The following RBMS1 variants were observed in gnomAD, a reference collection of about 807,000 sequenced individuals.
RBMS1 encodes the protein RNA-binding motif, single-stranded-interacting protein 1.
RBMS1 carries 17 observed loss-of-function variants against 62.3 expected under a neutral mutation model. The observed-to-expected ratio is 0.27, with a 90% CI of 0.19 to 0.41. The LOEUF (loss-of-function observed/expected upper bound fraction) is 0.41, where lower values mean the gene tolerates loss of function less well. Among genes scored for constraint, RBMS1 ranks in the 10% least tolerant of loss-of-function variants. The pLI is 1.00. For missense variants in RBMS1, 334 were observed against 504.5 expected, an observed-to-expected ratio of 0.66 and a Z score of 3.24; for synonymous variants, 172 against 170.0, an observed-to-expected ratio of 1.01 and a Z score of -0.09.
chr2:160,474,138 C>T (rs1489483268), intron 1 of RBMS1, among the ~76,000 whole-genome samples: 1 of 151,882 alleles, frequency 6.6e-6, no homozygotes, highest in Admixed American at 6.6e-5. Context: ...TATTATTATT[C>T]AAATTTGAAA....
At chr2:160,483,720 A>T (rs1430390642) in intron 1 of RBMS1, among the ~76,000 whole-genome samples, 1 of 152,200 alleles carries the variant, frequency 6.6e-6, no homozygotes, top group Non-Finnish European at 1.5e-5. Flanking sequence ...GTCAGTCCAG[A>T]GTGGCTTAAC....
chr2:160,310,886 A>C (rs1689816335), intron 4 of RBMS1, among the ~76,000 whole-genome samples: 1 of 152,100 alleles, frequency 6.6e-6, no homozygotes, highest in South Asian at 2.1e-4. Context: ...TGGACAAATA[A>C]TCTGAAAATC....
At chr2:160,299,447 C>T (rs1301461254) in intron 6 of RBMS1, among the ~76,000 whole-genome samples, 3 of 152,076 alleles carry the variant, frequency 2.0e-5, no homozygotes, top group African/African-American at 7.2e-5. Flanking sequence ...CCCCCCATTT[C>T]GTCACCAATT....
chr2:160,352,082 C>T (rs960558511), intron 2 of RBMS1, among the ~76,000 whole-genome samples: 1 of 152,108 alleles, frequency 6.6e-6, no homozygotes, highest in Admixed American at 6.6e-5. Context: ...GCAAAGCTGA[C>T]TCATAACTTC....
At chr2:160,356,771 T>C (rs1190796500) in intron 2 of RBMS1, among the ~76,000 whole-genome samples, 1 of 152,158 alleles carries the variant, frequency 6.6e-6, no homozygotes, top group African/African-American at 2.4e-5. Flanking sequence ...TGTGGTATTC[T>C]ATTATAGCAG....
chr2:160,365,455 A>G (rs1693345432), intron 2 of RBMS1, among the ~76,000 whole-genome samples: 1 of 152,224 alleles, frequency 6.6e-6, no homozygotes, highest in African/African-American at 2.4e-5. Context: ...AGAGAACAAC[A>G]AAAAAGAAAT....
chr2:160,309,567 G>A lies in RBMS1; in HGVS notation c.402+3589C>T, dbSNP rs1020112138. Among the ~76,000 whole-genome samples the A allele has an allele frequency of 2.0e-5, 3 of 152,192 alleles. No individual in the cohort carries two copies. In the South Asian group the frequency reaches 6.2e-4, roughly 32 times the overall value. ...TGAAGATAGACCATTAGATTATCAGGAGCTGACCATGTCAACCTGAGGACA... is the reference window on the plus strand; with the variant it reads ...TGAAGATAGACCATTAGATTATCAGAAGCTGACCATGTCAACCTGAGGACA... On this transcript the variant is annotated intron_variant, in intron 4 of 13. Transcript: ENST00000348849.
At chr2:160,413,647 T>C (rs114538067) in intron 1 of RBMS1, among the ~76,000 whole-genome samples, 3 of 152,234 alleles carry the variant, frequency 2.0e-5, no homozygotes, top group African/African-American at 7.2e-5. Context: ...AGCCATAGTC[T>C]GATTATTCTG....
intron 6 of RBMS1, among the ~76,000 whole-genome samples, chr2:160,289,873 G>GC (rs1287604179): frequency 6.6e-6 from 1 of 151,328 alleles, no homozygotes; most frequent in East Asian, 2.0e-4. Context: ...TTGTCCATGT[G>GC]CCCTAGGAAA....
At chr2:160,381,830 C>T (rs753219237) in intron 1 of RBMS1, among the ~76,000 whole-genome samples, 2 of 152,214 alleles carry the variant, frequency 1.3e-5, no homozygotes, top group Admixed American at 6.5e-5. Flanking sequence ...CTGAGTGACA[C>T]GGCCTTCCTT....
chr2:160,466,257 A>G lies in RBMS1; in HGVS notation c.75+27032T>C, dbSNP rs562065157. On this transcript the variant is annotated intron_variant, in intron 1 of 13. Transcript: ENST00000348849. ...TGCCTATAAAAACCAAAGCTCCTAA[A>G]ATCATTCTTTTATGGCATTAAATGT... Among the ~76,000 whole-genome samples the G allele has an allele frequency of 1.4e-4, 21 of 152,218 alleles. No individual in the cohort carries two copies. In the South Asian group the frequency reaches 4.4e-3, roughly 32 times the overall value.
chr2:160,474,592 T>C (rs993258288), intron 1 of RBMS1, among the ~76,000 whole-genome samples: 4 of 152,224 alleles, frequency 2.6e-5, no homozygotes, highest in African/African-American at 9.6e-5. Context: ...CACTGAATTG[T>C]ACACAAAAAA....
Position 160,450,564 on chromosome 2 carries a change from G to GAAAAAAAAAAAAAA in RBMS1, c.75+42711_75+42724dup, listed in dbSNP as rs1181640365. Reference sequence around the variant, plus strand: ...TCAAAAAAAATAAAAAATAAAAAATGAAAAAAAAAAAAAAACAAAAAACAT... The same window carrying GAAAAAAAAAAAAAA: ...TCAAAAAAAATAAAAAATAAAAAATGAAAAAAAAAAAAAAAAAAAAAAAAAAAAACAAAAAACAT... On this transcript the variant is annotated intron_variant, in intron 1 of 13. Transcript: ENST00000348849. Among the ~76,000 whole-genome samples the GAAAAAAAAAAAAAA allele has an allele frequency of 1.8e-4, 10 of 56,580 alleles. 1 individual carries two copies. Among genetic ancestry groups the GAAAAAAAAAAAAAA allele is most frequent in the East Asian group, 8.4e-4 (1 of 1,196 alleles). 37.1% of individuals were successfully genotyped at this position (56,580 alleles called of 152,430 possible).
chr2:160,428,057 G>A (rs185312344), intron 1 of RBMS1, among the ~76,000 whole-genome samples: 1 of 151,870 alleles, frequency 6.6e-6, no homozygotes, highest in East Asian at 1.9e-4. Context: ...ATGCAGGATG[G>A]CTACGAGATG....
chr2:160,450,525 A>G (rs1683920813), intron 1 of RBMS1, among the ~76,000 whole-genome samples: 1 of 145,416 alleles, frequency 6.9e-6, no homozygotes, highest in South Asian at 2.2e-4. Context: ...GGGCAACAAA[A>G]GTGAAATTCC....
At chr2:160,310,406 C>T (rs962757199) in intron 4 of RBMS1, among the ~76,000 whole-genome samples, 2 of 152,212 alleles carry the variant, frequency 1.3e-5, no homozygotes, top group African/African-American at 4.8e-5. Context: ...AAAACATCTA[C>T]ATATGAGTCT....
At chr2:160,290,013 T>C (rs1688598708) in intron 6 of RBMS1, among the ~76,000 whole-genome samples, 1 of 144,944 alleles carries the variant, frequency 6.9e-6, no homozygotes, top group African/African-American at 2.6e-5. Context: ...GATTTTTGGG[T>C]AGGAAAAACA....
At chr2:160,298,110 G>A (rs188874353) in intron 6 of RBMS1, among the ~76,000 whole-genome samples, 1 of 152,318 alleles carries the variant, frequency 6.6e-6, no homozygotes, top group Admixed American at 6.5e-5. Context: ...CAGAAGAAAG[G>A]GAGGGAGAAG....
chr2:160,431,541 T>A (rs1209833302), intron 1 of RBMS1, among the ~76,000 whole-genome samples: 1 of 152,192 alleles, frequency 6.6e-6, no homozygotes, highest in African/African-American at 2.4e-5. Context: ...CCTTCCAAAG[T>A]CTGTTTCATA....
Sources: allele counts gnomAD v4.1 joint callset (sites outside exome capture counted in the v4.1 genomes callset), GRCh38; gene constraint gnomAD v4.1.1; transcripts MANE v1.5; gene names NCBI Gene and HGNC (gene_info 2026-07-23, HGNC 2026-07-21).